Variants in GXYLT2 observed in about 807,000 individuals in gnomAD.
GXYLT2 encodes glucoside xylosyltransferase 2.
In GXYLT2, 53 loss-of-function variants were observed where a neutral mutation model predicts 45.8. The ratio of observed to expected loss-of-function variants is 1.16; its 90% CI spans 0.93 to 1.46. The LOEUF (loss-of-function observed/expected upper bound fraction) is 1.46. Ranked by LOEUF, GXYLT2 falls within the 40% of genes most tolerant of loss-of-function variation. The pLI, the probability that GXYLT2 is intolerant of heterozygous loss-of-function variation, is 0.00. For missense variants in GXYLT2, 551 were observed against 544.4 expected, an observed-to-expected ratio of 1.01 and a Z score of -0.12; for synonymous variants, 219 against 214.2, an observed-to-expected ratio of 1.02 and a Z score of -0.19.
intron 3 of GXYLT2, among the ~76,000 whole-genome samples, chr3:72,953,718 A>G (rs1441032743): frequency 6.6e-6 from 1 of 152,170 alleles, no homozygotes; most frequent in Non-Finnish European, 1.5e-5. Flanking sequence ...CCTTTAGAGG[A>G]AAAAGGTTGC....
At chr3:72,968,799 T>G (rs7616146) in intron 6 of GXYLT2, among the ~76,000 whole-genome samples, 61,068 of 152,068 alleles carry the variant, frequency 0.4, 14,906 homozygotes, top group Non-Finnish European at 0.54. Context: ...CAGTGGCTCA[T>G]GCCTGTAATC....
chr3:72,890,958 G>A (rs1709171865), intron 1 of GXYLT2, among the ~76,000 whole-genome samples: 1 of 152,086 alleles, frequency 6.6e-6, no homozygotes, highest in African/African-American at 2.4e-5. Context: ...ACATTTTCTG[G>A]GACTTATTTA....
At chr3:72,943,823 G>C (rs71300553) in intron 3 of GXYLT2, among the ~76,000 whole-genome samples, 13,832 of 151,736 alleles carry the variant, frequency 0.091, 699 homozygotes, top group African/African-American at 0.13. Flanking sequence ...ACTAGTGTCT[G>C]TATTGCTTGC....
chr3:72,940,830 A>C (rs1186224622), intron 3 of GXYLT2, among the ~76,000 whole-genome samples: 1 of 151,948 alleles, frequency 6.6e-6, no homozygotes, highest in East Asian at 1.9e-4. Context: ...TACCCACCCA[A>C]ACTACCACAC....
intron 1 of GXYLT2, among the ~76,000 whole-genome samples, chr3:72,889,477 G>C (rs1709136659): frequency 6.6e-6 from 1 of 152,138 alleles, no homozygotes; most frequent in African/African-American, 2.4e-5. Context: ...GAAACCTCAA[G>C]AAGTAGCTGT....
In GXYLT2 at chr3:72,975,807, T is replaced by C. The variant is rs2087662; in HGVS notation, c.*648T>C. On this transcript the variant is annotated 3_prime_UTR_variant, in exon 7 of 7. Coordinates refer to ENST00000389617, the MANE Select transcript of GXYLT2 (RefSeq NM_001080393.2). ...TTATGTGGGAGACTAAAATATTAGA[T>C]GAGATGATTATGTGTACAGAATTTT... 0.67 allele frequency: 102,511 copies of C among 152,058 alleles called. 34,863 individuals are homozygous for C. The highest frequency in any genetic ancestry group is 0.75 in the Admixed American group (11,528 of 15,280). 9.4% of individuals were successfully genotyped at this position (152,058 alleles called of 1,614,324 possible).
intron 5 of GXYLT2, among the ~76,000 whole-genome samples, chr3:72,961,175 G>T (rs1710761179): frequency 6.6e-6 from 1 of 152,204 alleles, no homozygotes; most frequent in Non-Finnish European, 1.5e-5. Flanking sequence ...AGCCAACGCA[G>T]CTTCATCAAG....
intron 5 of GXYLT2, among the ~76,000 whole-genome samples, chr3:72,965,470 C>CA (rs1190448982): frequency 6.6e-6 from 1 of 152,196 alleles, no homozygotes; most frequent in African/African-American, 2.4e-5. Flanking sequence ...GGGTCTTTCT[C>CA]ATGATCAGCA....
intron 1 of GXYLT2, among the ~76,000 whole-genome samples, chr3:72,895,242 G>A (rs1002253657): frequency 6.6e-6 from 1 of 152,178 alleles, no homozygotes; most frequent in Non-Finnish European, 1.5e-5. Context: ...GGGTAGGGCG[G>A]AGTGGGGTCA....
chr3:72,959,240 C>T (rs918400572), intron 5 of GXYLT2, among the ~76,000 whole-genome samples: 2 of 150,714 alleles, frequency 1.3e-5, no homozygotes, highest in Non-Finnish European at 2.9e-5. Context: ...GCCTCAGCCT[C>T]CCGAGTAGCT....
At chr3:72,974,870 G>A in intron 6 of GXYLT2, 107 bp from the exon 7 acceptor site, 3 of 823,522 alleles carry the variant, frequency 3.6e-6, no homozygotes, top group Non-Finnish European at 5.8e-6. Context: ...GTCCAAACCT[G>A]TGCCTGTGGG....
chr3:72,954,399 CTG>C (rs3078688), intron 3 of GXYLT2, among the ~76,000 whole-genome samples: 1,990 of 133,854 alleles, frequency 0.015, 25 homozygotes, highest in East Asian at 0.036. Context: ...TGCTCCCAGC[CTG>C]TGTGTGTGTG....
chr3:72,911,993 G>GTATATATATATA (rs1288910128), intron 2 of GXYLT2, among the ~76,000 whole-genome samples: 6 of 122,896 alleles, frequency 4.9e-5, no homozygotes, highest in African/African-American at 2.4e-4. Context: ...GTGTGTGTGT[G>GTATATATATATA]TATATATATA....
At chr3:72,920,802 A>G (rs910275123) in intron 2 of GXYLT2, among the ~76,000 whole-genome samples, 1 of 144,596 alleles carries the variant, frequency 6.9e-6, no homozygotes, top group Admixed American at 6.8e-5. Flanking sequence ...GTACATGCAT[A>G]TATATATATA....
chr3:72,915,993 G>C (rs776366777), intron 2 of GXYLT2, among the ~76,000 whole-genome samples: 2 of 152,020 alleles, frequency 1.3e-5, no homozygotes, highest in African/African-American at 2.4e-5. Flanking sequence ...GTCATTATTA[G>C]ATGCATGGTC....
intron 1 of GXYLT2, among the ~76,000 whole-genome samples, chr3:72,894,924 G>A (rs970770665): frequency 3.3e-5 from 5 of 152,148 alleles, no homozygotes; most frequent in Admixed American, 6.5e-5. Flanking sequence ...CCAGCCCATT[G>A]CCACTGGACT....
intron 3 of GXYLT2, among the ~76,000 whole-genome samples, chr3:72,934,024 T>C (rs1410097323): frequency 2.6e-5 from 4 of 152,128 alleles, no homozygotes; most frequent in African/African-American, 9.7e-5. Flanking sequence ...TATTTGTATT[T>C]GTATTCATTC....
At chr3:72,904,731 A>C (rs1164243374) in intron 1 of GXYLT2, among the ~76,000 whole-genome samples, 1 of 151,842 alleles carries the variant, frequency 6.6e-6, no homozygotes, top group Admixed American at 6.6e-5. Flanking sequence ...TTAAGGAATA[A>C]GATTTTAATC....
At position 72,941,204 on chromosome 3, in the gene GXYLT2, GTTA is replaced by G. The variant is rs375523071; in HGVS notation, c.601-13889_601-13887del. ...GGTGGCAATGATAATAGAGAAAAGG[GTTA>G]TTATATTATCCTGTTTACTCATCTC... On this transcript the variant is annotated intron_variant, in intron 3 of 6. Coordinates refer to ENST00000389617, the MANE Select transcript of GXYLT2 (RefSeq NM_001080393.2). 6.1e-3 allele frequency among the ~76,000 whole-genome samples: 925 copies of G among 152,166 alleles called. 4 individuals carry two copies. Among genetic ancestry groups the G allele is most frequent in the African/African-American group, 0.021 (863 of 41,514 alleles).
Sources: allele counts gnomAD v4.1 joint callset (sites outside exome capture counted in the v4.1 genomes callset), GRCh38; gene constraint gnomAD v4.1.1; transcripts MANE v1.5; gene names NCBI Gene and HGNC (gene_info 2026-07-23, HGNC 2026-07-21).